ROBO2: variants seen among roughly 807,000 people sequenced by gnomAD.
The protein encoded by ROBO2 is roundabout homolog 2.
Under a neutral mutation model 160.8 loss-of-function variants are expected in ROBO2, and 53 were observed. That is an observed-to-expected ratio of 0.33 (90% CI 0.26 to 0.41). ROBO2 has a LOEUF of 0.41. Ranked by LOEUF, ROBO2 falls within the 10% of genes least tolerant of loss-of-function variation. The pLI is 1.00. For missense variants in ROBO2, 1,577 were observed against 1,722.4 expected (o/e 0.92, Z 1.49); for synonymous variants, 664 against 611.7 (o/e 1.09, Z -1.26).
rs187083244 is a variant in ROBO2 at position 76,373,410 on chromosome 3, T to A, written c.109+435808T>A. On this transcript the variant is annotated intron_variant, in intron 2 of 26. Coordinates refer to the ROBO2 transcript ENST00000487694. The stretch of plus-strand genomic sequence containing the variant: ...TGGCTATTTTGACTTTATAGAAGTC[T>A]GTAAATAAGAAGTCATTTATATGTG... Among the ~76,000 whole-genome samples, 258 of 152,088 alleles carry A rather than the reference T, an allele frequency of 1.7e-3. 2 individuals carry two copies. Among genetic ancestry groups the A allele is most frequent in the Middle Eastern group, 6.8e-3 (2 of 294 alleles).
At chr3:76,726,402 G>T (rs1329115063) in intron 2 of ROBO2, among the ~76,000 whole-genome samples, 2 of 152,036 alleles carry the variant, frequency 1.3e-5, no homozygotes, top group African/African-American at 4.8e-5. Context: ...CCCGCAACTT[G>T]CTTACTGCAA....
chr3:76,199,314 A>G (rs1702409517), intron 2 of ROBO2, among the ~76,000 whole-genome samples: 1 of 152,112 alleles, frequency 6.6e-6, no homozygotes, highest in Admixed American at 6.6e-5. Context: ...AGAAACAGCA[A>G]ATAGCTCTCA....
intron 1 of ROBO2, among the ~76,000 whole-genome samples, chr3:75,914,816 CCT>C (rs1170214013): frequency 6.6e-6 from 1 of 152,144 alleles, no homozygotes; most frequent in Non-Finnish European, 1.5e-5. Context: ...GTTAAGGAAG[CCT>C]CTTCTCCTCC....
chr3:77,423,895 T>C (rs1397276003), intron 2 of ROBO2, among the ~76,000 whole-genome samples: 1 of 152,178 alleles, frequency 6.6e-6, no homozygotes, highest in East Asian at 1.9e-4. Context: ...ATTAACATGA[T>C]TGGCATATAA....
At chr3:76,007,884 A>G (rs1156756176) in intron 2 of ROBO2, among the ~76,000 whole-genome samples, 2 of 152,164 alleles carry the variant, frequency 1.3e-5, no homozygotes, top group South Asian at 2.1e-4. Context: ...ATCACATTAT[A>G]TAATTAATTA....
intron 2 of ROBO2, among the ~76,000 whole-genome samples, chr3:76,792,059 A>C: frequency 6.6e-6 from 1 of 151,906 alleles, no homozygotes; most frequent in South Asian, 2.1e-4. Flanking sequence ...ATTTGGAACT[A>C]GGAGACAATG....
chr3:76,799,505 C>CA (rs34437179), intron 2 of ROBO2, among the ~76,000 whole-genome samples: 48,274 of 145,272 alleles, frequency 0.33, 8,994 homozygotes, highest in Non-Finnish European at 0.43. Context: ...TTAGATCTGA[C>CA]AAAAAAAAAA....
At position 76,362,241 on chromosome 3, in the gene ROBO2, G is replaced by A. The variant is rs189661981; in HGVS notation, c.109+424639G>A. Among the ~76,000 whole-genome samples, 227 of 152,074 alleles carry A rather than the reference G, an allele frequency of 1.5e-3. 2 individuals are homozygous for A. The highest frequency in any genetic ancestry group is 1.9e-3 in the Non-Finnish European group (128 of 67,984). On this transcript the variant is annotated intron_variant, in intron 2 of 26. Coordinates refer to the ROBO2 transcript ENST00000487694. Reference sequence around the variant, plus strand: ...TAGCTGGATGGGTTGAGGCTCCTGCGTAGTCCCAGCTCCTCGGGAAGCTGA... The same window carrying A: ...TAGCTGGATGGGTTGAGGCTCCTGCATAGTCCCAGCTCCTCGGGAAGCTGA...
intron 2 of ROBO2, among the ~76,000 whole-genome samples, chr3:77,365,848 C>CA (rs80094539): frequency 0.41 from 61,615 of 151,836 alleles, 13,228 homozygotes; most frequent in East Asian, 0.71. Context: ...AAGCTCTAGG[C>CA]AAAATATTAC....
intron 2 of ROBO2, among the ~76,000 whole-genome samples, chr3:76,606,246 G>T (rs2087643964): frequency 6.6e-6 from 1 of 152,230 alleles, no homozygotes; most frequent in South Asian, 2.1e-4. Flanking sequence ...CCAATCCCCT[G>T]CCTCAGTGTA....
intron 2 of ROBO2, among the ~76,000 whole-genome samples, chr3:76,447,332 C>T (rs900178964): frequency 6.6e-6 from 1 of 151,992 alleles, no homozygotes. Flanking sequence ...CAAATCAAAA[C>T]CACAATGAGA....
At chr3:76,422,066 C>T (rs572946897) in intron 2 of ROBO2, among the ~76,000 whole-genome samples, 4 of 152,272 alleles carry the variant, frequency 2.6e-5, no homozygotes, top group East Asian at 1.9e-4. Context: ...AGCAGGCCCA[C>T]CTGACCCTGT....
intron 2 of ROBO2, among the ~76,000 whole-genome samples, chr3:76,803,826 T>A (rs1242038648): frequency 6.6e-6 from 1 of 152,160 alleles, no homozygotes; most frequent in Non-Finnish European, 1.5e-5. Context: ...GGGAATATGA[T>A]AAACAGAGAA....
chr3:76,144,913 AAAGT>A (rs1167649795), intron 2 of ROBO2, among the ~76,000 whole-genome samples: 1 of 127,488 alleles, frequency 7.8e-6, no homozygotes, highest in Admixed American at 7.8e-5. Flanking sequence ...CTGGCTTTCA[AAAGT>A]AGTAATTTTA....
At chr3:77,550,784 A>G in intron 7 of ROBO2, 34 bp from the exon 9 acceptor site, 1 of 1,610,756 alleles carries the variant, frequency 6.2e-7, no homozygotes, top group African/African-American at 1.3e-5. Flanking sequence ...TAAGTGGAAA[A>G]TGAATATTGA....
chr3:76,234,573 A>G lies in ROBO2; in HGVS notation c.109+296971A>G, dbSNP rs557272546. Reference sequence around the variant, plus strand: ...ATTCCTCGATTTTTTAGTAATAGCCATTCTGACTGGTTTGAGATGGTATCT... The same window carrying G: ...ATTCCTCGATTTTTTAGTAATAGCCGTTCTGACTGGTTTGAGATGGTATCT... On this transcript the variant is annotated intron_variant, in intron 2 of 26. Coordinates refer to the ROBO2 transcript ENST00000487694. Among the ~76,000 whole-genome samples, 21 of 152,322 alleles carry G rather than the reference A, an allele frequency of 1.4e-4. No homozygotes were observed. The South Asian group carries it at 4.1e-3, about 30-fold the overall frequency.
At chr3:76,937,156 C>A (rs996136764) in intron 2 of ROBO2, among the ~76,000 whole-genome samples, 1 of 152,028 alleles carries the variant, frequency 6.6e-6, no homozygotes, top group Admixed American at 6.6e-5. Flanking sequence ...ATCTTTGTAA[C>A]GAAGTAAAAC....
chr3:77,613,670 T>C (rs899165181), intron 21 of ROBO2, among the ~76,000 whole-genome samples: 1 of 152,110 alleles, frequency 6.6e-6, no homozygotes, highest in African/African-American at 2.4e-5. Context: ...ATCAAATCAA[T>C]ACATACGCGT....
Position 77,440,261 on chromosome 3 carries a change from C to T in ROBO2, c.389-37153C>T, listed in dbSNP as rs530296239. 1.8e-4 allele frequency among the ~76,000 whole-genome samples: 27 copies of T among 152,234 alleles called. No homozygotes were observed. The South Asian group carries it at 5.6e-3, about 32-fold the overall frequency. On this transcript the variant is annotated intron_variant, in intron 2 of 25. Transcript: ENST00000461745. ...CCTAGCTTTCCATATTGATTGCTAT[C>T]ACGTACTTATTGAATCCAGGCTTTG...
Sources: allele counts gnomAD v4.1 joint callset (sites outside exome capture counted in the v4.1 genomes callset), GRCh38; gene constraint gnomAD v4.1.1; transcripts MANE v1.5; gene names NCBI Gene and HGNC (gene_info 2026-07-23, HGNC 2026-07-21).